GPR39: variants seen among roughly 807,000 people sequenced by gnomAD.
The protein encoded by GPR39 is zinc sensing receptor.
Under a neutral mutation model 18.4 loss-of-function variants are expected in GPR39, and 23 were observed. The ratio of observed to expected loss-of-function variants is 1.25; its 90% CI spans 0.90 to 1.77. The LOEUF (loss-of-function observed/expected upper bound fraction) is 1.77, where lower values mean the gene tolerates loss of function less well. Ranked by LOEUF, GPR39 falls within the 40% of genes most tolerant of loss-of-function variation. GPR39 has a pLI of 0.00. For missense variants in GPR39, 647 were observed against 602.4 expected (o/e 1.07, Z -0.78); for synonymous variants, 280 against 257.9 (o/e 1.09, Z -0.82).
intron 1 of GPR39, among the ~76,000 whole-genome samples, chr2:132,599,149 T>C (rs936924289): frequency 6.6e-6 from 1 of 152,022 alleles, no homozygotes. Flanking sequence ...AGGAAGCGGC[T>C]CCTGCTGGGC....
At chr2:132,506,848 A>T (rs1436566672) in intron 1 of GPR39, among the ~76,000 whole-genome samples, 3 of 147,080 alleles carry the variant, frequency 2.0e-5, no homozygotes, top group African/African-American at 7.6e-5. Flanking sequence ...TGCCCAGACC[A>T]ATGTCCTAAA....
chr2:132,563,112 T>C (rs1363173648), intron 1 of GPR39, among the ~76,000 whole-genome samples: 4 of 152,298 alleles, frequency 2.6e-5, no homozygotes, highest in African/African-American at 4.8e-5. Flanking sequence ...GGGATAAGGA[T>C]ACAACTAAGC....
intron 1 of GPR39, among the ~76,000 whole-genome samples, chr2:132,485,969 T>G (rs1558812209): frequency 6.6e-6 from 1 of 152,216 alleles, no homozygotes; most frequent in East Asian, 1.9e-4. Context: ...TATAGACTTA[T>G]GAGAAGTATT....
At chr2:132,588,498 G>A (rs56209837) in intron 1 of GPR39, among the ~76,000 whole-genome samples, 2,062 of 152,300 alleles carry the variant, frequency 0.014, 53 homozygotes, top group African/African-American at 0.047. Context: ...GAGGCTGGGG[G>A]CTGACTTGAT....
intron 1 of GPR39, among the ~76,000 whole-genome samples, chr2:132,516,407 C>T (rs1045058937): frequency 6.6e-6 from 1 of 152,148 alleles, no homozygotes; most frequent in African/African-American, 2.4e-5. Context: ...TGATGGTTCA[C>T]CTCAGGAGGT....
chr2:132,565,507 G>A (rs1014047999), intron 1 of GPR39, among the ~76,000 whole-genome samples: 1 of 147,614 alleles, frequency 6.8e-6, no homozygotes, highest in African/African-American at 2.5e-5. Context: ...CCACTAACTC[G>A]TCATCTAGCC....
intron 1 of GPR39, among the ~76,000 whole-genome samples, chr2:132,538,292 A>G (rs1679795818): frequency 6.6e-6 from 1 of 152,152 alleles, no homozygotes; most frequent in Non-Finnish European, 1.5e-5. Flanking sequence ...TTTTTCTTCC[A>G]ACAGGCAAGG....
intron 1 of GPR39, among the ~76,000 whole-genome samples, chr2:132,572,857 C>T (rs1000826918): frequency 2.6e-5 from 4 of 152,188 alleles, no homozygotes; most frequent in Non-Finnish European, 5.9e-5. Context: ...TTTTATCCAA[C>T]CCTGAATCAT....
At chr2:132,457,616 C>T (rs1472993817) in intron 1 of GPR39, among the ~76,000 whole-genome samples, 1 of 152,246 alleles carries the variant, frequency 6.6e-6, no homozygotes, top group Non-Finnish European at 1.5e-5. Flanking sequence ...GGCAGTCTGT[C>T]TGTTCTCAGA....
At chr2:132,422,287 T>G (rs765404270) in intron 1 of GPR39, among the ~76,000 whole-genome samples, 28 of 152,338 alleles carry the variant, frequency 1.8e-4, no homozygotes, top group Middle Eastern at 3.4e-3. Flanking sequence ...TGCTTGTCAG[T>G]GGCGTGGCAT....
intron 1 of GPR39, among the ~76,000 whole-genome samples, chr2:132,529,564 G>C (rs538900435): frequency 6.6e-6 from 1 of 152,226 alleles, no homozygotes; most frequent in African/African-American, 2.4e-5. Context: ...CCTCAAGTGG[G>C]TCCCTGACCA....
chr2:132,567,297 G>C (rs925531319), intron 1 of GPR39, among the ~76,000 whole-genome samples: 1 of 152,128 alleles, frequency 6.6e-6, no homozygotes, highest in African/African-American at 2.4e-5. Flanking sequence ...ACTCCAGCCT[G>C]GGGGACAGAG....
At chr2:132,608,603 G>C (rs1681182710) in intron 1 of GPR39, among the ~76,000 whole-genome samples, 1 of 152,234 alleles carries the variant, frequency 6.6e-6, no homozygotes, top group African/African-American at 2.4e-5. Context: ...AGCAGGTACA[G>C]ATGCCGCTGC....
rs1399641893 is a variant in GPR39, at chr2:132,610,313, C to G, written c.857-34788C>G. Among the ~76,000 whole-genome samples, 4 of 152,156 alleles carry G rather than the reference C, an allele frequency of 2.6e-5. No individual in the cohort carries two copies. In the East Asian group the frequency reaches 7.7e-4, roughly 29 times the overall value. On this transcript the variant is annotated intron_variant, in intron 1 of 1. Coordinates refer to ENST00000329321, the MANE Select transcript of GPR39 (RefSeq NM_001508.3). Reference sequence around the variant, plus strand: ...ATCACCCATACTTCCTAGGCGTAGTCATCACACAAGAACATGAAGCATTAA... The same window carrying G: ...ATCACCCATACTTCCTAGGCGTAGTGATCACACAAGAACATGAAGCATTAA...
At chr2:132,511,299 A>G (rs972228088) in intron 1 of GPR39, among the ~76,000 whole-genome samples, 3 of 152,234 alleles carry the variant, frequency 2.0e-5, no homozygotes, top group Admixed American at 6.5e-5. Flanking sequence ...TAATTAATCT[A>G]AAGTAAATTA....
At chr2:132,618,686 C>T (rs1681381702) in intron 1 of GPR39, among the ~76,000 whole-genome samples, 1 of 152,216 alleles carries the variant, frequency 6.6e-6, no homozygotes, top group Non-Finnish European at 1.5e-5. Flanking sequence ...CCCCTTCCCA[C>T]ATAAGCAGGC....
intron 1 of GPR39, among the ~76,000 whole-genome samples, chr2:132,445,701 A>C (rs1300005462): frequency 6.6e-6 from 1 of 152,066 alleles, no homozygotes; most frequent in Non-Finnish European, 1.5e-5. Context: ...TTTTTCACTA[A>C]TTTGTTCCCA....
In GPR39 at chr2:132,489,334, C is replaced by T. The variant is rs116155066; in HGVS notation, c.856+71436C>T. Among the ~76,000 whole-genome samples, 684 of 152,170 alleles carry T rather than the reference C, an allele frequency of 4.5e-3. 18 individuals carry two copies. Among genetic ancestry groups the T allele is most frequent in the African/African-American group, 0.016 (666 of 41,430 alleles). ...GGTGCTGGGCTTGGTGCCGGCAGCACCGAGGGCAGGGACGAGGGCGGTGGG... is the reference window on the plus strand; with the variant it reads ...GGTGCTGGGCTTGGTGCCGGCAGCATCGAGGGCAGGGACGAGGGCGGTGGG... On this transcript the variant is annotated intron_variant, in intron 1 of 1. Coordinates refer to ENST00000329321, the MANE Select transcript of GPR39 (RefSeq NM_001508.3).
At chr2:132,537,693 G>T (rs1342704741) in intron 1 of GPR39, among the ~76,000 whole-genome samples, 4 of 151,794 alleles carry the variant, frequency 2.6e-5, no homozygotes, top group Non-Finnish European at 5.9e-5. Context: ...TCAATCGTAG[G>T]TTCAGTCTTT....
Sources: allele counts gnomAD v4.1 joint callset (sites outside exome capture counted in the v4.1 genomes callset), GRCh38; gene constraint gnomAD v4.1.1; transcripts MANE v1.5; gene names NCBI Gene and HGNC (gene_info 2026-07-23, HGNC 2026-07-21).